The following CTNNA3 variants were observed in gnomAD, a reference collection of about 807,000 sequenced individuals.
CTNNA3 encodes the protein catenin alpha 3.
In CTNNA3, 76 loss-of-function variants were observed where a neutral mutation model predicts 95.7. The ratio of observed to expected loss-of-function variants is 0.79; its 90% CI spans 0.66 to 0.96. The LOEUF is 0.96. Among genes scored for constraint, CTNNA3 ranks in the 40% least tolerant of loss-of-function variants. The pLI, the probability that CTNNA3 is intolerant of heterozygous loss-of-function variation, is 0.00. For missense variants in CTNNA3, 1,191 were observed against 1,089.8 expected (o/e 1.09, Z -1.31); for synonymous variants, 431 against 374.4 (o/e 1.15, Z -1.74).
intron 2 of CTNNA3, among the ~76,000 whole-genome samples, chr10:67,608,276 T>G (rs898409197): frequency 5.3e-5 from 8 of 152,234 alleles, no homozygotes; most frequent in African/African-American, 1.9e-4. Context: ...ATTCTCAGCC[T>G]AAATAGACTA....
At chr10:66,289,895 T>C (rs1048527727) in intron 12 of CTNNA3, among the ~76,000 whole-genome samples, 9 of 152,012 alleles carry the variant, frequency 5.9e-5, no homozygotes, top group African/African-American at 1.9e-4. Flanking sequence ...TTCTATAAAA[T>C]GAAAAAGTTG....
At chr10:66,680,086 G>A (rs112832177) in intron 9 of CTNNA3, among the ~76,000 whole-genome samples, 4 of 152,172 alleles carry the variant, frequency 2.6e-5, no homozygotes, top group African/African-American at 7.2e-5. Flanking sequence ...TCCACCTCCC[G>A]GGTTCAAGCG....
intron 7 of CTNNA3, among the ~76,000 whole-genome samples, chr10:66,840,417 G>T (rs1281260167): frequency 2.3e-5 from 3 of 128,736 alleles, no homozygotes; most frequent in African/African-American, 3.0e-5. Context: ...CACACCCCTC[G>T]GTATAGGTTG....
intron 5 of CTNNA3, among the ~76,000 whole-genome samples, chr10:67,436,152 A>G (rs1175838097): frequency 6.6e-6 from 1 of 152,146 alleles, no homozygotes; most frequent in African/African-American, 2.4e-5. Flanking sequence ...CAGAATAGAG[A>G]ACCCAGAAAT....
intron 14 of CTNNA3, among the ~76,000 whole-genome samples, chr10:66,078,042 G>C (rs2080609595): frequency 6.6e-6 from 1 of 151,834 alleles, no homozygotes; most frequent in Non-Finnish European, 1.5e-5. Context: ...TACTTGAGCT[G>C]TTAACCCTTT....
At chr10:66,021,576 T>A (rs1247215279) in intron 15 of CTNNA3, among the ~76,000 whole-genome samples, 1 of 152,162 alleles carries the variant, frequency 6.6e-6, no homozygotes, top group Non-Finnish European at 1.5e-5. Flanking sequence ...TTGCATTATT[T>A]ATAAGATGCT....
chr10:67,474,027 T>C (rs1288618840), intron 5 of CTNNA3, among the ~76,000 whole-genome samples: 1 of 152,152 alleles, frequency 6.6e-6, no homozygotes, highest in Non-Finnish European at 1.5e-5. Context: ...TTCCCTTAGA[T>C]CTTTACCCCT....
intron 5 of CTNNA3, among the ~76,000 whole-genome samples, chr10:67,260,969 GCCA>G (rs1284976851): frequency 6.6e-6 from 1 of 152,182 alleles, no homozygotes; most frequent in Non-Finnish European, 1.5e-5. Context: ...ACAGGCGTGA[GCCA>G]CCACGCCCAG....
At chr10:67,401,187 C>A (rs1844906581) in intron 5 of CTNNA3, among the ~76,000 whole-genome samples, 1 of 152,164 alleles carries the variant, frequency 6.6e-6, no homozygotes, top group African/African-American at 2.4e-5. Context: ...CACAAGATCA[C>A]ACCTGTCAGT....
At chr10:67,348,396 T>C (rs1589196900) in intron 5 of CTNNA3, among the ~76,000 whole-genome samples, 1 of 152,134 alleles carries the variant, frequency 6.6e-6, no homozygotes, top group Admixed American at 6.6e-5. Flanking sequence ...ACAAACCATA[T>C]GTATTAGTCC....
At chr10:66,801,178 T>C (rs1417423641) in intron 7 of CTNNA3, among the ~76,000 whole-genome samples, 3 of 151,078 alleles carry the variant, frequency 2.0e-5, no homozygotes, top group African/African-American at 4.8e-5. Context: ...GAAATAAATA[T>C]AAAGTACAAA....
intron 1 of CTNNA3, among the ~76,000 whole-genome samples, chr10:67,717,102 T>C (rs980332027): frequency 2.0e-5 from 3 of 152,236 alleles, no homozygotes; most frequent in Non-Finnish European, 2.9e-5. Flanking sequence ...ACATGTTTGT[T>C]GGCCAATAAA....
chr10:65,937,177 G>A (rs2077353854), intron 17 of CTNNA3, among the ~76,000 whole-genome samples: 1 of 151,910 alleles, frequency 6.6e-6, no homozygotes, highest in Admixed American at 6.6e-5. Flanking sequence ...CCTAATTAAT[G>A]CAAATCAATG....
intron 15 of CTNNA3, among the ~76,000 whole-genome samples, chr10:66,046,521 A>T (rs2079832462): frequency 6.6e-6 from 1 of 152,216 alleles, no homozygotes; most frequent in African/African-American, 2.4e-5. Context: ...AATTTAGAAA[A>T]ATCTTAAATT....
chr10:67,242,287 G>A (rs1442169787), intron 5 of CTNNA3, among the ~76,000 whole-genome samples: 1 of 152,166 alleles, frequency 6.6e-6, no homozygotes, highest in East Asian at 1.9e-4. Flanking sequence ...GAGAAAGAAT[G>A]AAACTAATAA....
intron 7 of CTNNA3, among the ~76,000 whole-genome samples, chr10:66,884,255 GA>G (rs1293916032): frequency 6.6e-5 from 10 of 152,078 alleles, no homozygotes; most frequent in Non-Finnish European, 1.3e-4. Flanking sequence ...AAAAAACACC[GA>G]AACCATAGCA....
At chr10:66,412,583 C>A in intron 11 of CTNNA3, among the ~76,000 whole-genome samples, 1 of 151,540 alleles carries the variant, frequency 6.6e-6, no homozygotes, top group South Asian at 2.1e-4. Flanking sequence ...TCTCAGCCTC[C>A]CAAGTAGCTG....
intron 5 of CTNNA3, among the ~76,000 whole-genome samples, chr10:67,370,072 ATTAC>A (rs1295354321): frequency 2.6e-5 from 4 of 152,288 alleles, no homozygotes; most frequent in South Asian, 2.1e-4. Flanking sequence ...ATATATAGTT[ATTAC>A]TTACATTATT....
At chr10:66,016,353 T>C (rs1309751790) in intron 15 of CTNNA3, among the ~76,000 whole-genome samples, 1 of 152,106 alleles carries the variant, frequency 6.6e-6, no homozygotes, top group Admixed American at 6.6e-5. Flanking sequence ...GAATGACATA[T>C]GCCCTTACTT....
Sources: allele counts gnomAD v4.1 joint callset (sites outside exome capture counted in the v4.1 genomes callset), GRCh38; gene constraint gnomAD v4.1.1; transcripts MANE v1.5; gene names NCBI Gene and HGNC (gene_info 2026-07-23, HGNC 2026-07-21).